The following PRKCB variants were observed in gnomAD, a reference collection of about 807,000 sequenced individuals.
The protein encoded by PRKCB is protein kinase C beta.
A neutral mutation model predicts 81.5 loss-of-function variants in PRKCB; 13 were observed. The observed-to-expected ratio is 0.16, with a 90% CI of 0.10 to 0.25. The LOEUF (loss-of-function observed/expected upper bound fraction) is 0.25, where lower values mean the gene tolerates loss of function less well. PRKCB is among the 10% of genes least tolerant of loss of function. PRKCB has a pLI of 1.00. For missense variants in PRKCB, 509 were observed against 875.7 expected (o/e 0.58, Z 5.29); for synonymous variants, 335 against 321.4 (o/e 1.04, Z -0.45).
chr16:23,960,624 C>T (rs1011960131), intron 2 of PRKCB, among the ~76,000 whole-genome samples: 1 of 152,184 alleles, frequency 6.6e-6, no homozygotes, highest in African/African-American at 2.4e-5. Context: ...TGCTCTCCCT[C>T]TTCCCTCCCC....
chr16:24,093,664 A>G (rs909189051), intron 6 of PRKCB, among the ~76,000 whole-genome samples: 2 of 152,176 alleles, frequency 1.3e-5, no homozygotes, highest in African/African-American at 4.8e-5. Flanking sequence ...AGCTAGAAGC[A>G]CAGTTCCTTG....
chr16:24,043,275 A>T (rs1469263947), intron 5 of PRKCB, among the ~76,000 whole-genome samples: 2 of 151,818 alleles, frequency 1.3e-5, no homozygotes, highest in African/African-American at 4.8e-5. Context: ...TAGTTGTTCA[A>T]TTTTTTTTGT....
At chr16:23,942,094 A>C (rs540599901) in intron 2 of PRKCB, among the ~76,000 whole-genome samples, 1 of 152,236 alleles carries the variant, frequency 6.6e-6, no homozygotes, top group Non-Finnish European at 1.5e-5. Flanking sequence ...TTTCTTAGAG[A>C]GCATCTCTAA....
chr16:23,983,365 C>T (rs185582135), intron 2 of PRKCB, among the ~76,000 whole-genome samples: 3 of 152,326 alleles, frequency 2.0e-5, no homozygotes, highest in East Asian at 3.9e-4. Flanking sequence ...CTCTGCACAT[C>T]ATGCTGGGGT....
chr16:23,892,823 T>C (rs1407040515), intron 2 of PRKCB: 1 of 152,200 alleles, frequency 6.6e-6, no homozygotes, highest in Admixed American at 6.5e-5. Flanking sequence ...TGACATAAAG[T>C]TAGCTTCAGA....
At chr16:23,943,501 C>T (rs112965105) in intron 2 of PRKCB, among the ~76,000 whole-genome samples, 4,331 of 152,126 alleles carry the variant, frequency 0.028, 198 homozygotes, top group African/African-American at 0.098. Flanking sequence ...TGCATTTCAG[C>T]CTGGGTGATA....
chr16:24,007,825 A>G (rs1247988142), intron 3 of PRKCB, among the ~76,000 whole-genome samples: 3 of 152,192 alleles, frequency 2.0e-5, no homozygotes, highest in East Asian at 1.9e-4. Context: ...CAAAAGGCAG[A>G]TGGCCTTGGA....
intron 5 of PRKCB, among the ~76,000 whole-genome samples, chr16:24,053,097 G>C (rs977946612): frequency 6.6e-6 from 1 of 152,184 alleles, no homozygotes; most frequent in Non-Finnish European, 1.5e-5. Flanking sequence ...TTCCTGAGAA[G>C]GTTTTAATTC....
intron 5 of PRKCB, among the ~76,000 whole-genome samples, chr16:24,082,261 C>T (rs1460413794): frequency 6.6e-6 from 1 of 152,172 alleles, no homozygotes; most frequent in Non-Finnish European, 1.5e-5. Context: ...TTGAAAGACT[C>T]AGCAGAGTGA....
At chr16:24,205,971 A>G (rs1968039687) in intron 16 of PRKCB, among the ~76,000 whole-genome samples, 1 of 152,190 alleles carries the variant, frequency 6.6e-6, no homozygotes, top group African/African-American at 2.4e-5. Context: ...GTGCCATTTA[A>G]ACTGAGATCT....
intron 9 of PRKCB, among the ~76,000 whole-genome samples, chr16:24,135,614 C>G (rs971243854): frequency 2.0e-5 from 3 of 152,064 alleles, no homozygotes; most frequent in African/African-American, 7.2e-5. Flanking sequence ...CACCTGGCCT[C>G]ACAGCATCAT....
intron 9 of PRKCB, among the ~76,000 whole-genome samples, chr16:24,127,424 C>T (rs954577767): frequency 6.6e-6 from 1 of 152,220 alleles, no homozygotes; most frequent in African/African-American, 2.4e-5. Context: ...CCACTTACTG[C>T]TACTGCTTTC....
At chr16:23,969,644 TG>T (rs1964530932) in intron 2 of PRKCB, among the ~76,000 whole-genome samples, 1 of 152,196 alleles carries the variant, frequency 6.6e-6, no homozygotes, top group Non-Finnish European at 1.5e-5. Context: ...AATCAATAGA[TG>T]TTAGCTATTG....
chr16:23,999,786 G>A (rs1478857659), intron 3 of PRKCB, among the ~76,000 whole-genome samples: 1 of 152,238 alleles, frequency 6.6e-6, no homozygotes, highest in African/African-American at 2.4e-5. Flanking sequence ...TTGTCTCTGA[G>A]GGTTGGGACT....
At position 24,092,401 on chromosome 16, in the gene PRKCB, A is replaced by T. The variant is rs73546496; in HGVS notation, c.530-390A>T. ...GATAAACAAAATGTGGGATATCTAT[A>T]CAATGGAATATTATTCAGTCATGCA... On this transcript the variant is annotated intron_variant, in intron 5 of 16. Coordinates refer to ENST00000643927, the MANE Select transcript of PRKCB (RefSeq NM_002738.7). Among the ~76,000 whole-genome samples, 658 of 152,382 alleles carry T rather than the reference A, an allele frequency of 4.3e-3. 5 individuals carry two copies. The highest frequency in any genetic ancestry group is 0.014 in the African/African-American group (592 of 41,594).
intron 5 of PRKCB, among the ~76,000 whole-genome samples, chr16:24,038,115 G>A (rs1195792104): frequency 6.6e-6 from 1 of 152,124 alleles, no homozygotes; most frequent in Non-Finnish European, 1.5e-5. Flanking sequence ...CTGGGAGGTG[G>A]AGGTTGCAGT....
At chr16:24,207,439 C>T (rs935730798) in intron 16 of PRKCB, among the ~76,000 whole-genome samples, 1 of 152,100 alleles carries the variant, frequency 6.6e-6, no homozygotes, top group Non-Finnish European at 1.5e-5. Context: ...TGTAATTCTT[C>T]GAATCTCCAT....
chr16:23,950,547 C>T (rs141648248), intron 2 of PRKCB, among the ~76,000 whole-genome samples: 118 of 152,292 alleles, frequency 7.7e-4, no homozygotes, highest in African/African-American at 2.8e-3. Context: ...AGTTGATTAA[C>T]CTCTCTGAGT....
chr16:24,111,833 T>G (rs566263545), intron 7 of PRKCB, among the ~76,000 whole-genome samples: 16 of 152,280 alleles, frequency 1.1e-4, no homozygotes, highest in Admixed American at 2.6e-4. Context: ...ACAGTAATAA[T>G]AATCATGATG....
Sources: allele counts gnomAD v4.1 joint callset (sites outside exome capture counted in the v4.1 genomes callset), GRCh38; gene constraint gnomAD v4.1.1; transcripts MANE v1.5; gene names NCBI Gene and HGNC (gene_info 2026-07-23, HGNC 2026-07-21).